PTPRD: variants seen among roughly 807,000 people sequenced by gnomAD.
The protein encoded by PTPRD is receptor-type tyrosine-protein phosphatase delta.
Under a neutral mutation model 214.5 loss-of-function variants are expected in PTPRD, and 34 were observed. The ratio of observed to expected loss-of-function variants is 0.16; its 90% CI spans 0.12 to 0.21. PTPRD has a LOEUF of 0.21. Among genes scored for constraint, PTPRD ranks in the 10% least tolerant of loss-of-function variants. PTPRD has a pLI of 1.00. For missense variants in PTPRD, 2,545 were observed against 2,398.7 expected (o/e 1.06, Z -1.27); for synonymous variants, 1,128 against 845.7 (o/e 1.33, Z -5.79).
intron 3 of PTPRD, among the ~76,000 whole-genome samples, chr9:10,073,704 G>T (rs922347705): frequency 1.3e-5 from 2 of 151,952 alleles, no homozygotes; most frequent in Non-Finnish European, 2.9e-5. Context: ...ATTGGACAAT[G>T]ACTCATTTCT....
intron 8 of PTPRD, among the ~76,000 whole-genome samples, chr9:9,539,439 C>A (rs892336922): frequency 6.6e-6 from 1 of 151,838 alleles, no homozygotes; most frequent in African/African-American, 2.4e-5. Flanking sequence ...TTACCTGGAC[C>A]TTACATTTCT....
intron 7 of PTPRD, among the ~76,000 whole-genome samples, chr9:9,589,163 T>A (rs774754493): frequency 6.6e-6 from 1 of 151,924 alleles, no homozygotes; most frequent in Non-Finnish European, 1.5e-5. Flanking sequence ...TGTGTATTAG[T>A]GAAAACCAAT....
At chr9:10,570,478 C>T (rs1428807836) in intron 2 of PTPRD, among the ~76,000 whole-genome samples, 1 of 152,070 alleles carries the variant, frequency 6.6e-6, no homozygotes, top group Non-Finnish European at 1.5e-5. Flanking sequence ...TATTGATGAA[C>T]ACATATAGTA....
chr9:10,482,137 C>CAAGG (rs1566393272), intron 2 of PTPRD, among the ~76,000 whole-genome samples: 8 of 151,960 alleles, frequency 5.3e-5, no homozygotes, highest in African/African-American at 1.7e-4. Flanking sequence ...TTTGGGAGGC[C>CAAGG]CAGGCGGGAG....
chr9:8,341,723 C>G lies in PTPRD; in HGVS notation c.4917G>C (p.Glu1639Asp), dbSNP rs138915427. ...IQKLTQIETG[E>D]NVTGMELEFK... ...ATTCGAGCTCCATTCCTGTGACATT[C>G]TCTCCCGTTTCTATTTGTGTCAGCT... The change falls in exon 40 of 46, where the codon GAG (glutamate) becomes GAC (aspartate). Residue 1639 changes from glutamate to aspartate, a missense_variant. Transcript: ENST00000381196. 42 of 1,613,486 alleles carry G rather than the reference C, an allele frequency of 2.6e-5. No individual in the cohort carries two copies. Among genetic ancestry groups the G allele is most frequent in the Middle Eastern group, 1.7e-4 (1 of 6,056 alleles).
chr9:9,223,290 G>C (rs1298454527), intron 9 of PTPRD, among the ~76,000 whole-genome samples: 2 of 151,906 alleles, frequency 1.3e-5, no homozygotes, highest in African/African-American at 2.4e-5. Context: ...TAATCTCTCA[G>C]AAGTGTGATT....
intron 5 of PTPRD, among the ~76,000 whole-genome samples, chr9:9,908,959 A>T (rs1275164754): frequency 1.3e-5 from 2 of 151,990 alleles, no homozygotes; most frequent in Non-Finnish European, 2.9e-5. Context: ...TTTATCTGAA[A>T]CTATTATATA....
intron 11 of PTPRD, among the ~76,000 whole-genome samples, chr9:8,823,039 C>G (rs1485844701): frequency 2.0e-5 from 3 of 152,116 alleles, no homozygotes; most frequent in African/African-American, 7.2e-5. Flanking sequence ...TACAGAGGAT[C>G]TAGTAAGACA....
chr9:8,786,083 T>C (rs970568384), intron 11 of PTPRD, among the ~76,000 whole-genome samples: 2 of 150,980 alleles, frequency 1.3e-5, no homozygotes, highest in South Asian at 2.1e-4. Context: ...CTCATACACA[T>C]TGTTCACCGC....
chr9:9,519,431 T>C lies in PTPRD; in HGVS notation c.-237+55301A>G, dbSNP rs1431605386. Among the ~76,000 whole-genome samples the C allele has an allele frequency of 4.0e-5, 6 of 151,628 alleles. No individual in the cohort carries two copies. The South Asian group carries it at 1.0e-3, about 26-fold the overall frequency. Reference sequence around the variant, plus strand: ...GATTCTTAGAAATGACTAATACAACTAAGAAAATCCTGAAAGCCTAATCAA... The same window carrying C: ...GATTCTTAGAAATGACTAATACAACCAAGAAAATCCTGAAAGCCTAATCAA... On this transcript the variant is annotated intron_variant, in intron 8 of 45. Coordinates refer to ENST00000381196, the MANE Select transcript of PTPRD (RefSeq NM_002839.4).
chr9:9,827,545 G>A lies in PTPRD; in HGVS notation c.-367-60694C>T, dbSNP rs201176877. On this transcript the variant is annotated intron_variant, in intron 5 of 45. Transcript: ENST00000381196. ...AGACTTAAATGTTAGACCTAAAACC[G>A]TAAAAACCCTAGAAGAAAACCTAGG... 2.8e-3 allele frequency among the ~76,000 whole-genome samples: 428 copies of A among 151,990 alleles called. 1 individual carries two copies. The highest frequency in any genetic ancestry group is 9.5e-3 in the African/African-American group (393 of 41,506).
At chr9:9,333,526 A>ATATATATATATAT (rs1569567452) in intron 9 of PTPRD, among the ~76,000 whole-genome samples, 3 of 142,658 alleles carry the variant, frequency 2.1e-5, no homozygotes, top group African/African-American at 8.3e-5. Flanking sequence ...ATATATATAT[A>ATATATATATATAT]AAGTCTGCAA....
chr9:9,734,475 T>C (rs2098257698), intron 7 of PTPRD, 58 bp downstream of exon 7: 1 of 151,852 alleles, frequency 6.6e-6, no homozygotes, highest in South Asian at 2.1e-4. Context: ...CAAGGAATAG[T>C]GACAAACAAA....
At chr9:9,611,285 C>T (rs1379130431) in intron 7 of PTPRD, among the ~76,000 whole-genome samples, 2 of 152,096 alleles carry the variant, frequency 1.3e-5, no homozygotes, top group Non-Finnish European at 2.9e-5. Context: ...GATCAAAATA[C>T]GCAAATGATT....
At chr9:8,646,204 G>A (rs531197885) in intron 12 of PTPRD, among the ~76,000 whole-genome samples, 1 of 152,266 alleles carries the variant, frequency 6.6e-6, no homozygotes, top group Admixed American at 6.5e-5. Flanking sequence ...ATGATGCCAT[G>A]ATATCCATAG....
chr9:9,295,358 A>C (rs1952640590), intron 9 of PTPRD, among the ~76,000 whole-genome samples: 1 of 151,770 alleles, frequency 6.6e-6, no homozygotes, highest in African/African-American at 2.4e-5. Context: ...TCCCTTTTTT[A>C]ATACCATTTT....
intron 5 of PTPRD, among the ~76,000 whole-genome samples, chr9:9,936,992 A>G (rs940497182): frequency 6.6e-6 from 1 of 151,520 alleles, no homozygotes; most frequent in African/African-American, 2.4e-5. Context: ...ACCAAACCCC[A>G]CATATTCTCA....
intron 8 of PTPRD, among the ~76,000 whole-genome samples, chr9:9,428,063 T>C (rs1229713501): frequency 6.6e-6 from 1 of 152,094 alleles, no homozygotes; most frequent in East Asian, 1.9e-4. Flanking sequence ...CCCATAACAA[T>C]ATTAACCTTA....
rs185821061 is a variant in PTPRD, at chr9:10,216,863, G to A, written c.-545+124100C>T. ...AATGATTCTGTTCGTTAGAGGGATA[G>A]GAGTCTTTCATATATTCAATTTCTG... On this transcript the variant is annotated intron_variant, in intron 3 of 45. Coordinates refer to ENST00000381196, the MANE Select transcript of PTPRD (RefSeq NM_002839.4). Among the ~76,000 whole-genome samples, 108 of 152,046 alleles carry A rather than the reference G, an allele frequency of 7.1e-4. 1 individual carries two copies. The highest frequency in any genetic ancestry group is 1.5e-3 in the South Asian group (7 of 4,826).
Sources: allele counts gnomAD v4.1 joint callset (sites outside exome capture counted in the v4.1 genomes callset), GRCh38; gene constraint gnomAD v4.1.1; transcripts MANE v1.5; gene names NCBI Gene and HGNC (gene_info 2026-07-23, HGNC 2026-07-21).